EIF2B3: variants seen among roughly 807,000 people sequenced by gnomAD.
EIF2B3 encodes eukaryotic translation initiation factor 2B subunit gamma.
Under a neutral mutation model 54.1 loss-of-function variants are expected in EIF2B3, and 20 were observed. That is an observed-to-expected ratio of 0.37 (90% confidence interval 0.26 to 0.54). The LOEUF (loss-of-function observed/expected upper bound fraction) is 0.54, where lower values mean the gene tolerates loss of function less well. Ranked by LOEUF, EIF2B3 falls within the 20% of genes least tolerant of loss-of-function variation. The probability of loss-of-function intolerance (pLI) is 0.86; values close to 1 mark genes in which losing one functional copy is unlikely to be tolerated. For synonymous variants in EIF2B3, 153 were observed against 188.1 expected (o/e 0.81, Z 1.52); for missense variants, 448 against 547.8 (o/e 0.82, Z 1.82).
At chr1:44,960,396 T>G (rs558408515) in intron 3 of EIF2B3, among the ~76,000 whole-genome samples, 6 of 152,128 alleles carry the variant, frequency 3.9e-5, no homozygotes, top group Non-Finnish European at 8.8e-5. Context: ...TCCCAGCACT[T>G]TGGGAGGCCG....
intron 11 of EIF2B3, among the ~76,000 whole-genome samples, chr1:44,853,268 G>A (rs111262018): frequency 4.2e-4 from 64 of 152,170 alleles, no homozygotes; most frequent in Middle Eastern, 6.8e-3. Context: ...TGGGGTTGAT[G>A]TATTTTCATG....
chr1:44,985,479 G>C (rs1253867682), intron 1 of EIF2B3, among the ~76,000 whole-genome samples: 1 of 152,196 alleles, frequency 6.6e-6, no homozygotes. Flanking sequence ...GTCTACATAA[G>C]AGTGTAAGAG....
intron 5 of EIF2B3, among the ~76,000 whole-genome samples, chr1:44,899,059 G>A (rs1426907990): frequency 6.6e-6 from 1 of 152,094 alleles, no homozygotes; most frequent in African/African-American, 2.4e-5. Flanking sequence ...AGCCTCAAGC[G>A]ATACTTGTAT....
intron 10 of EIF2B3, among the ~76,000 whole-genome samples, chr1:44,868,249 T>C (rs1478507266): frequency 6.6e-6 from 1 of 151,430 alleles, no homozygotes; most frequent in Non-Finnish European, 1.5e-5. Context: ...ATACAAAAAA[T>C]TAGCTGGGCG....
At chr1:44,931,575 T>A (rs1643897053) in intron 4 of EIF2B3, among the ~76,000 whole-genome samples, 1 of 152,234 alleles carries the variant, frequency 6.6e-6, no homozygotes, top group Non-Finnish European at 1.5e-5. Flanking sequence ...ATGTTTGTTG[T>A]TTTAAGCCAC....
chr1:44,903,749 T>C (rs1258751542), intron 5 of EIF2B3, among the ~76,000 whole-genome samples: 1 of 152,192 alleles, frequency 6.6e-6, no homozygotes, highest in Non-Finnish European at 1.5e-5. Flanking sequence ...CCACAGTTAC[T>C]CAGTGAGAAA....
intron 6 of EIF2B3, among the ~76,000 whole-genome samples, chr1:44,886,577 T>C (rs759932723): frequency 2.0e-5 from 3 of 152,256 alleles, no homozygotes; most frequent in Non-Finnish European, 2.9e-5. Context: ...AACTGCATCC[T>C]AACTTAATAG....
chr1:44,919,483 TCAACTC>T (rs1309531281), intron 5 of EIF2B3, among the ~76,000 whole-genome samples: 3 of 152,162 alleles, frequency 2.0e-5, no homozygotes, highest in Non-Finnish European at 4.4e-5. Flanking sequence ...TACCAATAGT[TCAACTC>T]CAAACTAACT....
At chr1:44,944,377 C>A (rs907478801) in intron 3 of EIF2B3, among the ~76,000 whole-genome samples, 1 of 152,074 alleles carries the variant, frequency 6.6e-6, no homozygotes, top group Admixed American at 6.6e-5. Context: ...CACCTGTAAT[C>A]CCAGTGCTTT....
chr1:44,927,163 G>A (rs1022752082), intron 4 of EIF2B3, among the ~76,000 whole-genome samples: 1 of 151,896 alleles, frequency 6.6e-6, no homozygotes, highest in African/African-American at 2.4e-5. Flanking sequence ...GGATTGAGAT[G>A]AGAGAGGAGC....
At chr1:44,869,341 G>T (rs1231806501) in intron 10 of EIF2B3, among the ~76,000 whole-genome samples, 1 of 151,688 alleles carries the variant, frequency 6.6e-6, no homozygotes, top group Non-Finnish European at 1.5e-5. Flanking sequence ...ACCAGGGTGT[G>T]GGGGTGCGCA....
intron 5 of EIF2B3, among the ~76,000 whole-genome samples, chr1:44,926,039 C>A (rs1338545284): frequency 6.6e-6 from 1 of 151,726 alleles, no homozygotes; most frequent in Non-Finnish European, 1.5e-5. Flanking sequence ...ACCAGCCTGG[C>A]CAACATGGTG....
chr1:44,942,487 G>A (rs1340336189), intron 3 of EIF2B3, among the ~76,000 whole-genome samples: 1 of 130,398 alleles, frequency 7.7e-6, no homozygotes, highest in African/African-American at 3.0e-5. Flanking sequence ...GAATGCAGCG[G>A]TGCGGTCACA....
intron 3 of EIF2B3, among the ~76,000 whole-genome samples, chr1:44,945,504 AG>A (rs1644090895): frequency 6.6e-6 from 1 of 151,344 alleles, no homozygotes; most frequent in Non-Finnish European, 1.5e-5. Flanking sequence ...CCGTGAGCCG[AG>A]ATCGCGCCAC....
intron 5 of EIF2B3, among the ~76,000 whole-genome samples, chr1:44,908,723 T>C (rs1316165424): frequency 6.6e-6 from 1 of 152,154 alleles, no homozygotes; most frequent in Non-Finnish European, 1.5e-5. Context: ...GAAAGCAAAG[T>C]TGAAAATTCT....
rs1358778781 is a variant in EIF2B3, at chr1:44,877,219, A to AAAAC, written c.976-1528_976-1525dup. Among the ~76,000 whole-genome samples, 4 of 150,512 alleles carry AAAAC rather than the reference A, an allele frequency of 2.7e-5. No individual in the cohort carries two copies. The East Asian group carries it at 5.8e-4, about 22-fold the overall frequency. The stretch of plus-strand genomic sequence containing the variant: ...AAAAAAAAAAAAAAAAAAAAAAAAA[A>AAAAC]AAACACCTTAGGTAGAACCCAGTGC... On this transcript the variant is annotated intron_variant, in intron 8 of 11. Transcript: ENST00000360403.
At chr1:44,936,451 C>A (rs1238756141) in intron 4 of EIF2B3, among the ~76,000 whole-genome samples, 1 of 150,568 alleles carries the variant, frequency 6.6e-6, no homozygotes, top group African/African-American at 2.4e-5. Context: ...ATTAGCTGAG[C>A]GTGGTGGTGG....
intron 3 of EIF2B3, among the ~76,000 whole-genome samples, chr1:44,952,997 G>T (rs564945183): frequency 6.6e-6 from 1 of 152,130 alleles, no homozygotes; most frequent in Non-Finnish European, 1.5e-5. Context: ...TTAGTTCCTT[G>T]TAGGTAGCAA....
At chr1:44,900,849 A>G (rs965011005) in intron 5 of EIF2B3, among the ~76,000 whole-genome samples, 1 of 152,128 alleles carries the variant, frequency 6.6e-6, no homozygotes, top group African/African-American at 2.4e-5. Context: ...TGTGCTTGTT[A>G]GCCATTTGTG....
Sources: gnomAD v4.1 joint callset for allele counts (sites outside exome capture counted in the v4.1 genomes callset) on GRCh38, gnomAD v4.1.1 for gene constraint, MANE v1.5 for transcripts, NCBI Gene and HGNC (gene_info 2026-07-23, HGNC 2026-07-21) for gene names.